The following PRPF8 variants were observed in gnomAD, a reference collection of about 807,000 sequenced individuals.
The protein encoded by PRPF8 is pre-mRNA processing factor 8.
PRPF8 carries 64 observed loss-of-function variants against 285.9 expected under a neutral mutation model. The ratio of observed to expected loss-of-function variants is 0.22; its 90% CI spans 0.18 to 0.28. The LOEUF is 0.28. Ranked by LOEUF, PRPF8 falls within the 10% of genes least tolerant of loss-of-function variation. The pLI is 1.00. For missense variants in PRPF8, 1,426 were observed against 3,026.7 expected, an observed-to-expected ratio of 0.47 and a Z score of 12.41; for synonymous variants, 1,325 against 1,118.2, an observed-to-expected ratio of 1.18 and a Z score of -3.69.
chr17:1,683,492 G>A (rs1290790866), intron 3 of PRPF8, 41 bp downstream of exon 3: 1 of 1,611,204 alleles, frequency 6.2e-7, no homozygotes, highest in Non-Finnish European at 8.5e-7. Context: ...GAAGGGAAAA[G>A]GGCCAAATTC....
Position 1,678,610 on chromosome 17 carries a change from A to G in PRPF8, c.1762T>C (p.Leu588=), listed in dbSNP as rs1465551867. 13 of 1,614,242 alleles carry G rather than the reference A, an allele frequency of 8.1e-6. No homozygotes were observed. The highest frequency in any genetic ancestry group is 1.1e-5 in the Non-Finnish European group (13 of 1,180,038). The change falls in exon 13 of 43, where the codon TTG becomes CTG. Residue 588 remains leucine, a synonymous_variant. Coordinates refer to ENST00000304992, the MANE Select transcript of PRPF8 (RefSeq NM_006445.4). ...LQYIFAHVGQ[L]TGMYRYKYKL... ...TATTTGTATCGATACATGCCCGTCAACTGCCCAACATGGGCAAATATATAC... is the reference window on the plus strand; with the variant it reads ...TATTTGTATCGATACATGCCCGTCAGCTGCCCAACATGGGCAAATATATAC...
At position 1,651,509 on chromosome 17, in the gene PRPF8, G is replaced by T; in HGVS notation, c.6555C>A (p.Ser2185=). ...TGACATCCTGGGGTGATAACTGCGG[G>T]GACTCATTGGGCTGAGTGTGGATCC... ...LGWIHTQPNE[S]PQLSPQDVTT... The change falls in exon 41 of 43, where the codon TCC becomes TCA. Residue 2185 remains serine, a synonymous_variant. Coordinates refer to ENST00000304992, the MANE Select transcript of PRPF8 (RefSeq NM_006445.4). This position sits in a 1 kb window ranked among gnomAD's most constrained non-coding sequence, Gnocchi z 5.1. 1 of 1,614,134 alleles carries T rather than the reference G, an allele frequency of 6.2e-7. No homozygotes were observed. Among genetic ancestry groups the T allele is most frequent in the Non-Finnish European group, 8.5e-7 (1 of 1,180,034 alleles).
At chr17:1,684,730 C>G in intron 1 of PRPF8, 50 bp downstream of exon 1, 3 of 727,186 alleles carry the variant, frequency 4.1e-6, no homozygotes, top group Non-Finnish European at 7.1e-6. Context: ...GTCACTCGGC[C>G]CGACCCGACC....
At position 1,684,586 on chromosome 17, in the gene PRPF8, G is replaced by A. The variant is rs1913135732; in HGVS notation, c.-11-4C>T. On this transcript the variant is annotated splice_polypyrimidine_tract_variant and splice_region_variant and intron_variant, in intron 1 of 42. Coordinates refer to ENST00000304992, the MANE Select transcript of PRPF8 (RefSeq NM_006445.4). The stretch of plus-strand genomic sequence containing the variant: ...ACTCCGGCCATATCCGGAGAATCTG[G>A]GGAGCGGCGGGATAGAAAAATTCAC... The A allele has an allele frequency of 6.2e-7, 1 of 1,611,890 alleles. No individual in the cohort carries two copies.
Position 1,675,138 on chromosome 17 carries a change from C to T in PRPF8, c.3060+14G>A, listed in dbSNP as rs779029665. On this transcript the variant is annotated intron_variant, in intron 20 of 42. Transcript: ENST00000304992. The surrounding 1 kb of genome is among the most constrained non-coding windows in gnomAD (Gnocchi z 6.0). ...CTCCACACACAATTCCATGCTACTG[C>T]GCCTGAGACGCACCTTATAGTTGAT... 8.7e-6 allele frequency: 14 copies of T among 1,612,800 alleles called. No homozygotes were observed. The highest frequency in any genetic ancestry group is 4.4e-5 in the South Asian group (4 of 91,016).
At chr17:1,663,914 G>T (rs188527746) in intron 24 of PRPF8, among the ~76,000 whole-genome samples, 10 of 152,180 alleles carry the variant, frequency 6.6e-5, no homozygotes. Context: ...AGGGATATTT[G>T]ATACGATAAA....
chr17:1,684,731 C>G lies in PRPF8; in HGVS notation c.-12+49G>C. On this transcript the variant is annotated intron_variant, in intron 1 of 42. Coordinates refer to ENST00000304992, the MANE Select transcript of PRPF8 (RefSeq NM_006445.4). The stretch of plus-strand genomic sequence containing the variant: ...GCCTAACCCCTTCGGTCACTCGGCC[C>G]GACCCGACCACGCCTCCCGCAGCCC... The G allele has an allele frequency of 1.9e-5, 14 of 726,962 alleles. No homozygotes were observed. The South Asian group carries it at 2.1e-4, about 11-fold the overall frequency. The allele number at this position is 726,962 out of a possible 1,614,324, so 45.0% of individuals were successfully genotyped here.
Position 1,674,457 on chromosome 17 carries a change from A to G in PRPF8, c.3284T>C (p.Ile1095Thr). 1 of 1,614,102 alleles carries G rather than the reference A, an allele frequency of 6.2e-7. No individual in the cohort carries two copies. Among genetic ancestry groups the G allele is most frequent in the Non-Finnish European group, 8.5e-7 (1 of 1,179,976 alleles). ...AAGCCCTCACCTGAAAAAAATATGG[A>G]TGCGATCAATGTATCTGCAGAAGAG... is the stretch of plus-strand genomic sequence containing the variant. ...IRLFCRYIDR[I>T]HIFFRFTADE... Residue 1095 changes from isoleucine to threonine, a missense_variant, in exon 21 of 43, where the codon ATC becomes ACC. Ile to Thr is a moderately conservative substitution (Grantham distance 89). Transcript: ENST00000304992.
chr17:1,656,769 G>C lies in PRPF8; in HGVS notation c.5506-8C>G. On this transcript the variant is annotated splice_polypyrimidine_tract_variant and splice_region_variant and intron_variant, in intron 34 of 42. Transcript: ENST00000304992. ...TGTCTTCCACTTAGCCAACTTAAAAGCAAGAGAGAAGAAAATGGAAATTTA... is the reference window on the plus strand; with the variant it reads ...TGTCTTCCACTTAGCCAACTTAAAACCAAGAGAGAAGAAAATGGAAATTTA... 3 of 1,612,868 alleles carry C rather than the reference G, an allele frequency of 1.9e-6. No individual in the cohort carries two copies.
At chr17:1,660,677 T>C (rs765323137) in intron 29 of PRPF8, 21 bp downstream of exon 29, 6 of 1,614,052 alleles carry the variant, frequency 3.7e-6, no homozygotes, top group Non-Finnish European at 4.2e-6. Context: ...GCTTCCCCTC[T>C]CCAGTGTCAA....
chr17:1,658,898 T>C lies in PRPF8; in HGVS notation c.5139-135A>G. The stretch of plus-strand genomic sequence containing the variant: ...ACTCTGCTCATGTGTACATACAGGC[T>C]GGAGAAGAGAATCAGTGACCCATAG... On this transcript the variant is annotated intron_variant, in intron 32 of 42. Coordinates refer to ENST00000304992, the MANE Select transcript of PRPF8 (RefSeq NM_006445.4). The surrounding 1 kb of genome is among the most constrained non-coding windows in gnomAD (Gnocchi z 4.1). The C allele has an allele frequency of 2.5e-6, 2 of 806,508 alleles. No individual in the cohort carries two copies. The highest frequency in any genetic ancestry group is 2.1e-6 in the Non-Finnish European group (1 of 468,776). 50.0% of individuals were successfully genotyped at this position (806,508 alleles called of 1,614,324 possible).
intron 24 of PRPF8, among the ~76,000 whole-genome samples, chr17:1,662,837 A>G (rs1386758895): frequency 6.7e-6 from 1 of 150,096 alleles, no homozygotes. Context: ...TCTCAAAAAA[A>G]AAAAAAAGAA....
chr17:1,668,139 G>A (rs575671771), intron 24 of PRPF8, among the ~76,000 whole-genome samples: 4 of 152,232 alleles, frequency 2.6e-5, no homozygotes, highest in Non-Finnish European at 5.9e-5. Context: ...CTAGTAATAT[G>A]ACAAAGATAT....
Position 1,651,575 on chromosome 17 carries a change from G to C in PRPF8, c.6511-22C>G. On this transcript the variant is annotated intron_variant, in intron 40 of 42. Coordinates refer to ENST00000304992, the MANE Select transcript of PRPF8 (RefSeq NM_006445.4). The surrounding 1 kb of genome is among the most constrained non-coding windows in gnomAD (Gnocchi z 5.1). Reference sequence around the variant, plus strand: ...TCTCCTATAGGTAAAGAGGAGTACAGAGCTGAATCCCATCCACAGACAGGA... The same window carrying C: ...TCTCCTATAGGTAAAGAGGAGTACACAGCTGAATCCCATCCACAGACAGGA... The C allele has an allele frequency of 3.1e-6, 5 of 1,614,110 alleles. No homozygotes were observed. Among genetic ancestry groups the C allele is most frequent in the Non-Finnish European group, 3.4e-6 (4 of 1,180,034 alleles).
At chr17:1,667,638 G>A (rs1912070505) in intron 24 of PRPF8, among the ~76,000 whole-genome samples, 1 of 151,206 alleles carries the variant, frequency 6.6e-6, no homozygotes, top group Non-Finnish European at 1.5e-5. Flanking sequence ...CCACCTCCGG[G>A]GCTCAAGTGG....
intron 24 of PRPF8, among the ~76,000 whole-genome samples, chr17:1,666,258 A>G (rs970135249): frequency 2.0e-5 from 3 of 151,438 alleles, no homozygotes; most frequent in Non-Finnish European, 4.4e-5. Context: ...AGAAGAAATC[A>G]ATGCAACAAG....
rs760803797 is a variant in PRPF8, at chr17:1,651,629, C to T, written c.6510+19G>A. On this transcript the variant is annotated intron_variant, in intron 40 of 42. Transcript: ENST00000304992. The surrounding 1 kb of genome is among the most constrained non-coding windows in gnomAD (Gnocchi z 5.1). ...GCACCAGCTTTTCCACACTCCCAGG[C>T]TCCATCACTCCCCATTACCTTGAGG... The T allele has an allele frequency of 1.2e-6, 2 of 1,614,150 alleles. No individual in the cohort carries two copies. Among genetic ancestry groups the T allele is most frequent in the East Asian group, 2.2e-5 (1 of 44,890 alleles).
rs749146408 is a variant in PRPF8, at chr17:1,678,741, G to A, written c.1719+21C>T. On this transcript the variant is annotated intron_variant, in intron 12 of 42. Coordinates refer to ENST00000304992, the MANE Select transcript of PRPF8 (RefSeq NM_006445.4). ...CTCCAGCGTCCTCACCCAGGCAGGGGTTGGGAATACCTAACCTTACCTGGA... is the reference window on the plus strand; with the variant it reads ...CTCCAGCGTCCTCACCCAGGCAGGGATTGGGAATACCTAACCTTACCTGGA... 8.7e-6 allele frequency: 14 copies of A among 1,613,944 alleles called. No homozygotes were observed. In the Admixed American group the frequency reaches 1.0e-4, roughly 12 times the overall value.
In PRPF8 at chr17:1,678,543, T is replaced by C. The variant is rs2151129412; in HGVS notation, c.1829A>G (p.His610Arg). ...CGTGTTGAAACGATAATAGATGAGA[T>C]GCTTCAGGTCCTTGCACATGCGAAT... The part of the protein sequence containing the change: ...RQIRMCKDLK[H>R]LIYYRFNTGP... Residue 610 changes from histidine to arginine, a missense_variant, in exon 13 of 43, where the codon CAT becomes CGT. His to Arg is a conservative substitution (Grantham distance 29, BLOSUM62 0). This residue lies in a region of PRPF8 where 69 missense variants were observed against 134.7 expected (regional missense o/e 0.51). Transcript: ENST00000304992. The C allele has an allele frequency of 1.9e-6, 3 of 1,614,232 alleles. No individual in the cohort carries two copies. Among genetic ancestry groups the C allele is most frequent in the Non-Finnish European group, 2.5e-6 (3 of 1,180,044 alleles).
Sources: allele counts gnomAD v4.1 joint callset (sites outside exome capture counted in the v4.1 genomes callset), GRCh38; gene constraint gnomAD v4.1.1; regional missense constraint gnomAD v4.1.1; non-coding constraint Gnocchi (gnomAD v3.1); transcripts MANE v1.5; gene names NCBI Gene and HGNC (gene_info 2026-07-23, HGNC 2026-07-21).